The following RNF17 variants were observed in gnomAD, a reference collection of about 807,000 sequenced individuals.
RNF17 encodes the protein ring finger protein 17.
Under a neutral mutation model 200.5 loss-of-function variants are expected in RNF17, and 31 were observed. That is an observed-to-expected ratio of 0.15 (90% CI 0.12 to 0.21). The LOEUF (loss-of-function observed/expected upper bound fraction) is 0.21. Among genes scored for constraint, RNF17 ranks in the 10% least tolerant of loss-of-function variants. The pLI is 1.00. For missense variants in RNF17, 1,628 were observed against 1,905.1 expected (o/e 0.85, Z 2.71); for synonymous variants, 606 against 637.8 (o/e 0.95, Z 0.75).
chr13:24,779,188 C>CT (rs1307942920), intron 4 of RNF17, among the ~76,000 whole-genome samples: 1 of 151,410 alleles, frequency 6.6e-6, no homozygotes, highest in African/African-American at 2.4e-5. Flanking sequence ...CAGTGAGACT[C>CT]TGTCTCAAAA....
chr13:24,795,546 T>C (rs887011282), intron 10 of RNF17, among the ~76,000 whole-genome samples: 2 of 152,090 alleles, frequency 1.3e-5, no homozygotes, highest in Non-Finnish European at 2.9e-5. Context: ...GAAAATTTTC[T>C]GACTGTCTTT....
At position 24,802,398 on chromosome 13, in the gene RNF17, G is replaced by A. The variant is rs1885362681; in HGVS notation, c.1776G>A (p.Glu592=). ...TTGCACAGAATGAAGGCTGGGAAGA[G>A]GAAGCTAAAGTGGAATTTTTGAAAA... ...VPQNSNEGWE[E]EAKVEFLKMV... Residue 592 remains glutamate, a synonymous_variant, in exon 14 of 36, where the codon GAG becomes GAA. Coordinates refer to ENST00000255324, the MANE Select transcript of RNF17 (RefSeq NM_031277.3). The A allele has an allele frequency of 1.2e-6, 2 of 1,612,410 alleles. No homozygotes were observed. Among genetic ancestry groups the A allele is most frequent in the East Asian group, 4.5e-5 (2 of 44,852 alleles).
rs117410846 is a variant in RNF17, at chr13:24,873,479, A to G, written c.4448-635A>G. On this transcript the variant is annotated intron_variant, in intron 32 of 35. Transcript: ENST00000255324. Reference sequence around the variant, plus strand: ...TGTATGTTTATGGGGTACATGTGATATTACCTGCATAGAATGTGTAATTAT... The same window carrying G: ...TGTATGTTTATGGGGTACATGTGATGTTACCTGCATAGAATGTGTAATTAT... 5.8e-3 allele frequency among the ~76,000 whole-genome samples: 880 copies of G among 152,322 alleles called. 28 individuals are homozygous for G. The East Asian group carries it at 0.09, about 16-fold the overall frequency.
At chr13:24,842,276 T>C in intron 19 of RNF17, 115 bp downstream of exon 19, 1 of 869,826 alleles carries the variant, frequency 1.1e-6, no homozygotes, top group Non-Finnish European at 1.7e-6. Context: ...ACTGTAGACC[T>C]GAGAATTTTC....
intron 22 of RNF17, among the ~76,000 whole-genome samples, chr13:24,849,434 A>G (rs1183875297): frequency 3.3e-5 from 5 of 152,134 alleles, no homozygotes; most frequent in South Asian, 2.1e-4. Flanking sequence ...AAACATTATG[A>G]AATTTTTTTG....
chr13:24,878,043 T>TAGCC (rs1400243113), intron 34 of RNF17, among the ~76,000 whole-genome samples: 6 of 152,244 alleles, frequency 3.9e-5, no homozygotes, highest in African/African-American at 1.2e-4. Flanking sequence ...GCTGAAAGTG[T>TAGCC]AGCCACAGCC....
chr13:24,799,632 G>A, intron 12 of RNF17, 48 bp downstream of exon 12: 1 of 1,175,464 alleles, frequency 8.5e-7, no homozygotes, highest in Non-Finnish European at 1.2e-6. Flanking sequence ...GAAACATTTT[G>A]GAGGGAGGTG....
At chr13:24,799,347 G>A in intron 11 of RNF17, 48 bp from the exon 12 acceptor site, 1 of 1,413,538 alleles carries the variant, frequency 7.1e-7, no homozygotes, top group Non-Finnish European at 9.8e-7. Context: ...TTATGAAGTG[G>A]CTTTTATTGA....
chr13:24,811,681 G>A (rs1196934912), intron 15 of RNF17, among the ~76,000 whole-genome samples: 2 of 152,170 alleles, frequency 1.3e-5, no homozygotes, highest in Non-Finnish European at 1.5e-5. Flanking sequence ...TCTGTTGCTG[G>A]TGAGGAACTC....
intron 16 of RNF17, among the ~76,000 whole-genome samples, chr13:24,828,734 T>G (rs1889038955): frequency 6.6e-6 from 1 of 152,136 alleles, no homozygotes. Context: ...TTCTTTTAAT[T>G]TGTGAGTGTA....
chr13:24,771,422 C>A (rs910480766), intron 2 of RNF17, among the ~76,000 whole-genome samples: 2 of 142,218 alleles, frequency 1.4e-5, no homozygotes, highest in Non-Finnish European at 3.0e-5. Context: ...CACGCCTTAG[C>A]CTTCCAAAGT....
intron 16 of RNF17, among the ~76,000 whole-genome samples, chr13:24,828,915 C>T (rs982852829): frequency 3.3e-5 from 5 of 151,822 alleles, no homozygotes; most frequent in African/African-American, 4.8e-5. Context: ...CTTAAGCAGT[C>T]CTCCCACCTC....
At position 24,796,132 on chromosome 13, in the gene RNF17, T is replaced by A; in HGVS notation, c.1241-5T>A. The A allele has an allele frequency of 2.5e-6, 4 of 1,594,552 alleles. No homozygotes were observed. Among genetic ancestry groups the A allele is most frequent in the Non-Finnish European group, 3.4e-6 (4 of 1,170,920 alleles). ...TATTAATGTGACTTAAACATTTTTA[T>A]CCAGGTTCTGCAGAGCTAGTTTTTG... On this transcript the variant is annotated splice_region_variant and splice_polypyrimidine_tract_variant and intron_variant, in intron 10 of 35. Transcript: ENST00000255324.
At chr13:24,819,367 A>T (rs761992408) in intron 15 of RNF17, among the ~76,000 whole-genome samples, 1 of 152,162 alleles carries the variant, frequency 6.6e-6, no homozygotes, top group Non-Finnish European at 1.5e-5. Context: ...AGGATTTCCT[A>T]TTTTAAGGCT....
At chr13:24,856,383 G>A (rs1892498767) in intron 25 of RNF17, among the ~76,000 whole-genome samples, 1 of 139,650 alleles carries the variant, frequency 7.2e-6, no homozygotes, top group African/African-American at 2.7e-5. Context: ...TTGCGCCACT[G>A]CACTCCAGCC....
chr13:24,775,543 A>C (rs2137517280), intron 3 of RNF17, among the ~76,000 whole-genome samples: 1 of 152,306 alleles, frequency 6.6e-6, no homozygotes, highest in East Asian at 1.9e-4. Flanking sequence ...GAGCCACTGC[A>C]CCCAGCTTCT....
At chr13:24,798,735 T>C (rs1027832724) in intron 11 of RNF17, among the ~76,000 whole-genome samples, 2 of 149,442 alleles carry the variant, frequency 1.3e-5, no homozygotes, top group African/African-American at 2.5e-5. Context: ...TCTGAGCTCA[T>C]AGTAAGCATT....
intron 18 of RNF17, among the ~76,000 whole-genome samples, chr13:24,839,041 G>T (rs1890329577): frequency 6.6e-6 from 1 of 151,960 alleles, no homozygotes; most frequent in South Asian, 2.1e-4. Flanking sequence ...ACCAAGTGGA[G>T]AATCAAATCA....
intron 4 of RNF17, among the ~76,000 whole-genome samples, chr13:24,778,913 G>A (rs918989356): frequency 2.0e-5 from 3 of 152,284 alleles, no homozygotes; most frequent in Non-Finnish European, 2.9e-5. Context: ...TGGAGGCCAC[G>A]TGCAGTGGCT....
Sources: allele counts gnomAD v4.1 joint callset (sites outside exome capture counted in the v4.1 genomes callset), GRCh38; gene constraint gnomAD v4.1.1; transcripts MANE v1.5; gene names NCBI Gene and HGNC (gene_info 2026-07-23, HGNC 2026-07-21).